Variants in PLA2G4C observed in about 807,000 individuals in gnomAD.
PLA2G4C encodes cytosolic phospholipase A2 gamma.
A neutral mutation model predicts 73.8 loss-of-function variants in PLA2G4C; 64 were observed. That is an observed-to-expected ratio of 0.87 (90% CI 0.71 to 1.07). The LOEUF is 1.07. Among genes scored for constraint, PLA2G4C ranks in the 50% least tolerant of loss-of-function variants. The probability of loss-of-function intolerance (pLI) is 0.00; values close to 1 mark genes in which losing one functional copy is unlikely to be tolerated. For missense variants in PLA2G4C, 622 were observed against 665.4 expected (o/e 0.93, Z 0.72); for synonymous variants, 254 against 252.1 (o/e 1.01, Z -0.07).
At chr19:48,061,314 C>T (rs892217405) in intron 14 of PLA2G4C, 1 of 152,184 alleles carries the variant, frequency 6.6e-6, no homozygotes. Context: ...TGTTTATAAA[C>T]CCCACAGTAA....
At chr19:48,093,131 C>T (rs1015563019) in intron 7 of PLA2G4C, among the ~76,000 whole-genome samples, 2 of 152,074 alleles carry the variant, frequency 1.3e-5, no homozygotes, top group African/African-American at 2.4e-5. Context: ...AGGAGCCAGG[C>T]TTGGCAATGT....
At chr19:48,054,688 A>C (rs1457086955) in intron 15 of PLA2G4C, among the ~76,000 whole-genome samples, 190 bp downstream of exon 15, 1 of 152,146 alleles carries the variant, frequency 6.6e-6, no homozygotes, top group African/African-American at 2.4e-5. Flanking sequence ...CCTTGTGAAG[A>C]AGGTGACTTG....
chr19:48,105,886 T>C (rs1308834321), intron 2 of PLA2G4C, among the ~76,000 whole-genome samples: 324 of 4,046 alleles, frequency 0.08, 58 homozygotes, highest in African/African-American at 0.09. Flanking sequence ...TCCCTCCTTC[T>C]TTCCCTCCCT....
At chr19:48,095,202 C>T (rs1360114143) in intron 7 of PLA2G4C, among the ~76,000 whole-genome samples, 1 of 152,092 alleles carries the variant, frequency 6.6e-6, no homozygotes, top group African/African-American at 2.4e-5. Flanking sequence ...AAGCCACAGC[C>T]CTGGACTTGA....
intron 12 of PLA2G4C, chr19:48,074,564 C>A: frequency 1.7e-6 from 1 of 579,884 alleles, no homozygotes; most frequent in South Asian, 2.0e-5. Flanking sequence ...TCCACACTGT[C>A]TCCTACAATG....
intron 13 of PLA2G4C, 109 bp from the exon 14 acceptor site, chr19:48,062,261 C>T (rs1968214124): frequency 7.0e-6 from 7 of 997,666 alleles, no homozygotes; most frequent in African/African-American, 1.7e-5. Context: ...TCAGTGTAGA[C>T]AGCAGTTGTG....
chr19:48,095,857 C>G (rs1001561), intron 6 of PLA2G4C, among the ~76,000 whole-genome samples: 2 of 152,192 alleles, frequency 1.3e-5, no homozygotes, highest in Non-Finnish European at 2.9e-5. Flanking sequence ...CCCTGCCTCT[C>G]TCTTCCATCT....
At chr19:48,091,314 T>A (rs181851866) in intron 7 of PLA2G4C, among the ~76,000 whole-genome samples, 2 of 152,246 alleles carry the variant, frequency 1.3e-5, no homozygotes, top group East Asian at 3.9e-4. Flanking sequence ...GCCTCCCGAC[T>A]AGCTGGGATT....
At chr19:48,068,757 G>A (rs975257175) in intron 12 of PLA2G4C, among the ~76,000 whole-genome samples, 3 of 150,832 alleles carry the variant, frequency 2.0e-5, no homozygotes, top group African/African-American at 7.3e-5. Context: ...AGAAAAAAAG[G>A]AAGACACCAA....
intron 10 of PLA2G4C, among the ~76,000 whole-genome samples, chr19:48,078,043 G>T (rs994287096): frequency 7.9e-5 from 12 of 152,134 alleles, no homozygotes; most frequent in Admixed American, 7.9e-4. Context: ...TGATCAAGTG[G>T]GTTTCATACT....
chr19:48,061,777 C>A (rs1352787719), intron 14 of PLA2G4C: 4 of 531,366 alleles, frequency 7.5e-6, no homozygotes, highest in Middle Eastern at 1.0e-3. Flanking sequence ...GGAAGAGGGG[C>A]CCGGGAAGGT....
chr19:48,093,969 G>T (rs1410584510), intron 7 of PLA2G4C, among the ~76,000 whole-genome samples: 1 of 152,134 alleles, frequency 6.6e-6, no homozygotes, highest in Non-Finnish European at 1.5e-5. Flanking sequence ...TGCCATGATT[G>T]TAAGTTTCCT....
chr19:48,100,023 A>C, intron 4 of PLA2G4C, 163 bp from the exon 5 acceptor site: 1 of 520,620 alleles, frequency 1.9e-6, no homozygotes, highest in African/African-American at 1.9e-5. Context: ...CAACTGCAGA[A>C]CGATCAAGTT....
intron 14 of PLA2G4C, among the ~76,000 whole-genome samples, chr19:48,057,483 C>CTTTTTT (rs1171271257): frequency 2.8e-4 from 5 of 17,914 alleles, no homozygotes; most frequent in African/African-American, 4.8e-4. Flanking sequence ...TCTTCTTCTT[C>CTTTTTT]TTTTTTTTTT....
intron 8 of PLA2G4C, among the ~76,000 whole-genome samples, chr19:48,089,070 G>A (rs1166725767): frequency 6.6e-6 from 1 of 152,170 alleles, no homozygotes; most frequent in Non-Finnish European, 1.5e-5. Flanking sequence ...TTTGGAGGTT[G>A]GATATAGATA....
At position 48,076,651 on chromosome 19, in the gene PLA2G4C, G is replaced by A. The variant is rs374953523; in HGVS notation, c.898+1120C>T. 2.2e-3 allele frequency among the ~76,000 whole-genome samples: 338 copies of A among 152,012 alleles called. 1 individual carries two copies. The highest frequency in any genetic ancestry group is 7.9e-3 in the African/African-American group (327 of 41,432). ...CCAGCTATTCAGGAGTCTGGGGCAG[G>A]AGAATAGCTTGAACCTGGAAGGCAG... is the stretch of plus-strand genomic sequence containing the variant. On this transcript the variant is annotated intron_variant, in intron 11 of 16. Coordinates refer to ENST00000599921, the MANE Select transcript of PLA2G4C (RefSeq NM_003706.3).
At chr19:48,061,744 G>A in intron 14 of PLA2G4C, 2 of 467,282 alleles carry the variant, frequency 4.3e-6, no homozygotes, top group Non-Finnish European at 7.8e-6. Flanking sequence ...GCAGGACGCA[G>A]AAGCGGGGAG....
intron 6 of PLA2G4C, 36 bp downstream of exon 6, chr19:48,098,103 C>A (rs1455967293): frequency 6.2e-7 from 1 of 1,608,676 alleles, no homozygotes; most frequent in Non-Finnish European, 8.5e-7. Flanking sequence ...TGTTCCATCC[C>A]TTACTACCTC....
intron 9 of PLA2G4C, among the ~76,000 whole-genome samples, chr19:48,088,146 G>A (rs2031092662): frequency 2.0e-5 from 3 of 152,060 alleles, no homozygotes; most frequent in African/African-American, 7.2e-5. Context: ...GCCTTGTGGG[G>A]AATGAGTTAA....
Sources: gnomAD v4.1 joint callset for allele counts (sites outside exome capture counted in the v4.1 genomes callset) on GRCh38, gnomAD v4.1.1 for gene constraint, MANE v1.5 for transcripts, NCBI Gene and HGNC (gene_info 2026-07-23, HGNC 2026-07-21) for gene names.